The following CMSS1 variants were observed in gnomAD, a reference collection of about 807,000 sequenced individuals.
CMSS1 encodes cms1 ribosomal small subunit homolog.
CMSS1 carries 33 observed loss-of-function variants against 43.5 expected under a neutral mutation model. That is an observed-to-expected ratio of 0.76 (90% confidence interval 0.57 to 1.01). CMSS1 has a LOEUF of 1.01. CMSS1 is among the 50% of genes least tolerant of loss of function. CMSS1 has a pLI of 0.00. For missense variants in CMSS1, 313 were observed against 326.4 expected, an observed-to-expected ratio of 0.96 and a Z score of 0.32; for synonymous variants, 115 against 117.2, an observed-to-expected ratio of 0.98 and a Z score of 0.12.
At chr3:100,133,681 G>C (rs1388975228) in intron 1 of CMSS1, among the ~76,000 whole-genome samples, 1 of 152,068 alleles carries the variant, frequency 6.6e-6, no homozygotes, top group South Asian at 2.1e-4. Flanking sequence ...AAGACTTTAG[G>C]GTTGTGGTTC....
chr3:99,850,371 G>T (rs1444056390), intron 1 of CMSS1: 1 of 1,612,628 alleles, frequency 6.2e-7, no homozygotes, highest in East Asian at 2.2e-5. Flanking sequence ...GTTTGCTTTT[G>T]TTGAAAGCGT....
chr3:100,121,848 G>A (rs140245833), intron 1 of CMSS1, among the ~76,000 whole-genome samples: 31 of 152,278 alleles, frequency 2.0e-4, no homozygotes, highest in Non-Finnish European at 3.1e-4. Flanking sequence ...CTGGCCTCAC[G>A]GAGGGGCTAG....
At chr3:99,988,341 C>CAAA (rs63321762) in intron 1 of CMSS1, among the ~76,000 whole-genome samples, 27 of 62,294 alleles carry the variant, frequency 4.3e-4, no homozygotes, top group African/African-American at 1.0e-3. Flanking sequence ...ACTAAAAATC[C>CAAA]AAAAAAAAAA....
At position 99,874,138 on chromosome 3, in the gene CMSS1, AGT is replaced by A. The variant is rs1174038834; in HGVS notation, c.64+56098_64+56099del. 7 of 152,212 alleles carry A rather than the reference AGT, an allele frequency of 4.6e-5. No individual in the cohort carries two copies. The East Asian group carries it at 5.8e-4, about 13-fold the overall frequency. The allele number at this position is 152,212 out of a possible 1,614,324, so 9.4% of individuals were successfully genotyped here. On this transcript the variant is annotated intron_variant, in intron 1 of 9. Transcript: ENST00000421999. ...TGGGAAAAAGTGTGGAATATTAAAGAGTGTTATTTTTAAATTTTAAAAAATCG... is the reference window on the plus strand; with the variant it reads ...TGGGAAAAAGTGTGGAATATTAAAGAGTTATTTTTAAATTTTAAAAAATCG...
chr3:100,148,605 C>T (rs2066874917), intron 2 of CMSS1, among the ~76,000 whole-genome samples: 1 of 152,132 alleles, frequency 6.6e-6, no homozygotes, highest in Non-Finnish European at 1.5e-5. Context: ...TTCCCTGTGA[C>T]TCAGTCACCT....
At chr3:99,835,948 G>C (rs1382465039) in intron 1 of CMSS1, among the ~76,000 whole-genome samples, 1 of 152,172 alleles carries the variant, frequency 6.6e-6, no homozygotes, top group Non-Finnish European at 1.5e-5. Context: ...AGAAGGCCCA[G>C]TAGTATGTGG....
chr3:99,929,973 C>T lies in CMSS1; in HGVS notation c.64+111930C>T, dbSNP rs758805415. 8 of 1,614,032 alleles carry T rather than the reference C, an allele frequency of 5.0e-6. No homozygotes were observed. In the South Asian group the frequency reaches 8.8e-5, roughly 18 times the overall value. On this transcript the variant is annotated intron_variant, in intron 1 of 9. Transcript: ENST00000421999. Reference sequence around the variant, plus strand: ...GAGTGACAAACCCATACTGAGCTTCCAGCAAAGCCAGGTCCATTTTTTCAG... The same window carrying T: ...GAGTGACAAACCCATACTGAGCTTCTAGCAAAGCCAGGTCCATTTTTTCAG...
chr3:100,041,775 T>G (rs1436559510), intron 1 of CMSS1, among the ~76,000 whole-genome samples: 1 of 152,194 alleles, frequency 6.6e-6, no homozygotes, highest in Non-Finnish European at 1.5e-5. Flanking sequence ...AGAGATCTTT[T>G]AAACAGTAAA....
At chr3:100,053,436 C>T (rs1004407755) in intron 1 of CMSS1, among the ~76,000 whole-genome samples, 9 of 152,120 alleles carry the variant, frequency 5.9e-5, no homozygotes, top group Non-Finnish European at 1.3e-4. Context: ...CCAAATCTGC[C>T]GCTGTCTTTA....
At chr3:99,889,351 T>C (rs1345623885) in intron 1 of CMSS1, among the ~76,000 whole-genome samples, 7 of 152,122 alleles carry the variant, frequency 4.6e-5, no homozygotes, top group Admixed American at 2.6e-4. Context: ...TAGATGTTTT[T>C]AACTTTAAGT....
intron 1 of CMSS1, among the ~76,000 whole-genome samples, chr3:100,050,650 G>A (rs1283741664): frequency 6.6e-6 from 1 of 152,146 alleles, no homozygotes; most frequent in Non-Finnish European, 1.5e-5. Context: ...TCCTGCCTCA[G>A]CCTCCAAGTA....
At chr3:99,914,115 A>C (rs1706878072) in intron 1 of CMSS1, among the ~76,000 whole-genome samples, 1 of 152,218 alleles carries the variant, frequency 6.6e-6, no homozygotes, top group Non-Finnish European at 1.5e-5. Context: ...TATTTTCAAC[A>C]AATCAGACTT....
intron 1 of CMSS1, among the ~76,000 whole-genome samples, chr3:99,819,015 G>C (rs986327013): frequency 6.6e-6 from 1 of 152,222 alleles, no homozygotes. Context: ...TCATACTTCT[G>C]TCATCCACAG....
At chr3:100,149,374 C>G (rs1257106907) in intron 2 of CMSS1, among the ~76,000 whole-genome samples, 1 of 152,200 alleles carries the variant, frequency 6.6e-6, no homozygotes, top group Non-Finnish European at 1.5e-5. Context: ...TCCTTTTTAC[C>G]TGTCCTCTCT....
rs142031483 is a variant in CMSS1, at chr3:99,982,599, G to A, written c.65-164374G>A. Among the ~76,000 whole-genome samples, 1,109 of 152,090 alleles carry A rather than the reference G, an allele frequency of 7.3e-3. 19 individuals are homozygous for A. Among genetic ancestry groups the A allele is most frequent in the African/African-American group, 0.025 (1,020 of 41,498 alleles). ...GCTCAAGCATTCTGCCTACCTCAGC[G>A]TCCCAAAGTGCTGGGATTACAGGCA... is the stretch of plus-strand genomic sequence containing the variant. On this transcript the variant is annotated intron_variant, in intron 1 of 9. Coordinates refer to ENST00000421999, the MANE Select transcript of CMSS1 (RefSeq NM_032359.4).
intron 1 of CMSS1, among the ~76,000 whole-genome samples, chr3:100,140,017 C>T (rs2066792449): frequency 1.3e-5 from 2 of 152,130 alleles, no homozygotes; most frequent in South Asian, 2.1e-4. Context: ...GGTGCAGTTA[C>T]ACAACTGTAT....
At chr3:99,935,818 C>CT (rs1411849962) in intron 1 of CMSS1, among the ~76,000 whole-genome samples, 1 of 152,096 alleles carries the variant, frequency 6.6e-6, no homozygotes, top group Non-Finnish European at 1.5e-5. Flanking sequence ...TTTACTTGGG[C>CT]TTAAGTTAGT....
intron 1 of CMSS1, among the ~76,000 whole-genome samples, chr3:99,957,982 G>A (rs973259902): frequency 1.3e-5 from 2 of 149,096 alleles, no homozygotes; most frequent in East Asian, 3.9e-4. Flanking sequence ...CATTTTCCAA[G>A]ATAGCCTCTT....
chr3:100,020,689 A>C (rs1442891637), intron 1 of CMSS1, among the ~76,000 whole-genome samples: 2 of 151,330 alleles, frequency 1.3e-5, no homozygotes, highest in African/African-American at 4.9e-5. Flanking sequence ...TCATTTAAAA[A>C]TTGCAAAGCG....
Sources: gnomAD v4.1 joint callset for allele counts (sites outside exome capture counted in the v4.1 genomes callset) on GRCh38, gnomAD v4.1.1 for gene constraint, MANE v1.5 for transcripts, NCBI Gene and HGNC (gene_info 2026-07-23, HGNC 2026-07-21) for gene names.